Variants in NAV2 observed in about 807,000 individuals in gnomAD.
NAV2 encodes helicase, APC down-regulated 1.
A neutral mutation model predicts 223.2 loss-of-function variants in NAV2; 54 were observed. The ratio of observed to expected loss-of-function variants is 0.24; its 90% confidence interval spans 0.19 to 0.30. The LOEUF is 0.30. NAV2 is among the 10% of genes least tolerant of loss of function. The probability of loss-of-function intolerance (pLI) is 1.00; values close to 1 mark genes in which losing one functional copy is unlikely to be tolerated. For missense variants in NAV2, 2,806 were observed against 3,147.5 expected (o/e 0.89, Z 2.60); for synonymous variants, 1,279 against 1,239.3 (o/e 1.03, Z -0.67).
intron 10 of NAV2, among the ~76,000 whole-genome samples, chr11:19,954,439 A>T (rs1159073515): frequency 6.6e-6 from 1 of 152,092 alleles, no homozygotes; most frequent in Non-Finnish European, 1.5e-5. Context: ...TCCATGAGGG[A>T]TTGGTTTCAG....
intron 1 of NAV2, among the ~76,000 whole-genome samples, chr11:19,493,524 C>T (rs180726552): frequency 6.6e-6 from 1 of 152,168 alleles, no homozygotes; most frequent in East Asian, 1.9e-4. Context: ...TTTGTCATTC[C>T]TCTATTATAA....
intron 10 of NAV2, among the ~76,000 whole-genome samples, chr11:19,964,836 T>TTTTTTTGTGG (rs2048632275): frequency 7.0e-6 from 1 of 143,766 alleles, no homozygotes; most frequent in Non-Finnish European, 1.5e-5. Flanking sequence ...TTTTTTTTTT[T>TTTTTTTGTGG]GAGATGGAGT....
At chr11:19,897,996 C>G (rs2153175463) in intron 6 of NAV2, among the ~76,000 whole-genome samples, 1 of 151,128 alleles carries the variant, frequency 6.6e-6, no homozygotes, top group East Asian at 2.0e-4. Flanking sequence ...TTTTCAGGGG[C>G]AAAGAAATAG....
intron 11 of NAV2, 99 bp downstream of exon 11, chr11:19,984,346 G>C (rs4757875): frequency 6.4e-7 from 1 of 1,565,472 alleles, no homozygotes; most frequent in African/African-American, 1.4e-5. Flanking sequence ...ATGGAGACTT[G>C]AACCCACAGA....
At chr11:19,657,631 T>C (rs1163751845) in intron 1 of NAV2, among the ~76,000 whole-genome samples, 1 of 152,152 alleles carries the variant, frequency 6.6e-6, no homozygotes, top group Admixed American at 6.6e-5. Flanking sequence ...GGGTTAGTGA[T>C]ACCAGGCAGG....
chr11:19,812,661 G>A (rs1213068670), intron 1 of NAV2, among the ~76,000 whole-genome samples: 3 of 152,036 alleles, frequency 2.0e-5, no homozygotes, highest in African/African-American at 7.2e-5. Flanking sequence ...CAAAGATATT[G>A]CATTTCATCC....
At chr11:19,966,519 C>T (rs949105792) in intron 10 of NAV2, among the ~76,000 whole-genome samples, 1 of 152,196 alleles carries the variant, frequency 6.6e-6, no homozygotes, top group Non-Finnish European at 1.5e-5. Context: ...ACTGACCACC[C>T]GTCCTCTCCC....
At chr11:20,027,237 G>T in intron 11 of NAV2, 3 of 983,198 alleles carry the variant, frequency 3.1e-6, no homozygotes, top group Non-Finnish European at 3.6e-6. Flanking sequence ...CTTCCCCAGG[G>T]GTTACTACTA....
chr11:19,690,397 A>G (rs566235664), intron 1 of NAV2, among the ~76,000 whole-genome samples: 1 of 152,200 alleles, frequency 6.6e-6, no homozygotes, highest in South Asian at 2.1e-4. Flanking sequence ...CCAATTGCCA[A>G]CTGTATGATC....
At chr11:19,801,981 C>T (rs183001694) in intron 1 of NAV2, among the ~76,000 whole-genome samples, 245 of 152,190 alleles carry the variant, frequency 1.6e-3, no homozygotes, top group African/African-American at 5.6e-3. Flanking sequence ...TCACCCTTGT[C>T]CGGAGGAGAA....
intron 24 of NAV2, 54 bp downstream of exon 24, chr11:20,078,158 C>T: frequency 3.2e-6 from 4 of 1,257,848 alleles, no homozygotes; most frequent in Non-Finnish European, 4.6e-6. Context: ...CTTAGGAGCC[C>T]TCCCCTGACA....
Position 19,933,735 on chromosome 11 carries a change from T to C in NAV2, c.1491T>C (p.Asp497=). 1.2e-6 allele frequency: 2 copies of C among 1,613,676 alleles called. No individual in the cohort carries two copies. Among genetic ancestry groups the C allele is most frequent in the Non-Finnish European group, 1.7e-6 (2 of 1,179,916 alleles). ...KEKEKQQREK[D]KEKSKDLAKR... ...AGGAGAAACAACAGCGGGAGAAGGA[T>C]AAGGAGAAAAGCAAGGACCTTGCCA... The change falls in exon 7 of 38, where the codon GAT becomes GAC. Residue 497 remains aspartate (D), a synonymous_variant. Transcript: ENST00000349880. The surrounding 1 kb of genome is among the most constrained non-coding windows in gnomAD (Gnocchi z 4.3).
intron 22 of NAV2, among the ~76,000 whole-genome samples, chr11:20,071,026 T>TA (rs1326498780): frequency 6.6e-6 from 1 of 152,154 alleles, no homozygotes; most frequent in Non-Finnish European, 1.5e-5. Context: ...TACGTACGTA[T>TA]ACATGTGCCA....
At chr11:19,789,527 T>C (rs2057378615) in intron 1 of NAV2, among the ~76,000 whole-genome samples, 1 of 152,208 alleles carries the variant, frequency 6.6e-6, no homozygotes, top group African/African-American at 2.4e-5. Context: ...ATAGTACATA[T>C]TCAGTAAACA....
intron 20 of NAV2, among the ~76,000 whole-genome samples, chr11:20,062,984 T>A (rs539417143): frequency 6.6e-6 from 1 of 152,320 alleles, no homozygotes; most frequent in East Asian, 1.9e-4. Flanking sequence ...TGAGCCATGG[T>A]GCCCGAACAG....
intron 11 of NAV2, among the ~76,000 whole-genome samples, chr11:20,009,064 T>A (rs917865552): frequency 3.3e-5 from 5 of 152,148 alleles, no homozygotes; most frequent in African/African-American, 1.2e-4. Flanking sequence ...TACACAGGCA[T>A]CAGTGAGACC....
intron 1 of NAV2, among the ~76,000 whole-genome samples, chr11:19,565,364 C>A (rs1398373605): frequency 6.6e-6 from 1 of 152,202 alleles, no homozygotes; most frequent in African/African-American, 2.4e-5. Context: ...TTCAAATTCC[C>A]ATTTGTTCTC....
rs146636848 is a variant in NAV2 at position 20,080,243 on chromosome 11, G to A, written c.5325+34G>A. The A allele has an allele frequency of 8.6e-4, 1,376 of 1,597,446 alleles. 3 individuals are homozygous for A. The highest frequency in any genetic ancestry group is 4.8e-3 in the Middle Eastern group (29 of 5,998). On this transcript the variant is annotated intron_variant, in intron 25 of 37. Transcript: ENST00000349880. ...ACATCCACTCTCCTGGGGACTGACGGACAGAGTCAGTTGCAGAACTGGCTG... is the reference window on the plus strand; with the variant it reads ...ACATCCACTCTCCTGGGGACTGACGAACAGAGTCAGTTGCAGAACTGGCTG...
At chr11:19,836,011 C>G (rs1376350846) in intron 2 of NAV2, among the ~76,000 whole-genome samples, 1 of 152,136 alleles carries the variant, frequency 6.6e-6, no homozygotes, top group Non-Finnish European at 1.5e-5. Flanking sequence ...TAGTTGTCTT[C>G]CTTTCTGGGT....
Sources: gnomAD v4.1 joint callset for allele counts (sites outside exome capture counted in the v4.1 genomes callset) on GRCh38, gnomAD v4.1.1 for gene constraint, Gnocchi (gnomAD v3.1) non-coding constraint, MANE v1.5 for transcripts, NCBI Gene and HGNC (gene_info 2026-07-23, HGNC 2026-07-21) for gene names.